The following USP45 variants were observed in gnomAD, a reference collection of about 807,000 sequenced individuals.
The protein encoded by USP45 is ubiquitin carboxyl-terminal hydrolase 45.
USP45 carries 89 observed loss-of-function variants against 95.8 expected under a neutral mutation model. The ratio of observed to expected loss-of-function variants is 0.93; its 90% confidence interval spans 0.78 to 1.11. The LOEUF is 1.11. Among genes scored for constraint, USP45 ranks in the 50% least tolerant of loss-of-function variants. USP45 has a pLI of 0.00. For synonymous variants in USP45, 281 were observed against 316.2 expected (o/e 0.89, Z 1.18); for missense variants, 898 against 942.5 (o/e 0.95, Z 0.62).
intron 4 of USP45, among the ~76,000 whole-genome samples, 177 bp downstream of exon 4, chr6:99,507,248 TTTA>T (rs1427567455): frequency 6.6e-6 from 1 of 152,174 alleles, no homozygotes; most frequent in Admixed American, 6.5e-5. Context: ...ATTTTTCCAA[TTTA>T]AATTTTATAT....
At chr6:99,452,614 C>T (rs556968291) in intron 13 of USP45, among the ~76,000 whole-genome samples, 5 of 152,278 alleles carry the variant, frequency 3.3e-5, no homozygotes, top group Admixed American at 1.3e-4. Flanking sequence ...TGGAAGACAG[C>T]GTGGCTATTC....
At chr6:99,458,005 A>G (rs2128601653) in intron 13 of USP45, among the ~76,000 whole-genome samples, 2 of 152,256 alleles carry the variant, frequency 1.3e-5, no homozygotes, top group Middle Eastern at 6.8e-3. Context: ...TAAGCAGCGT[A>G]AGTATCAGCT....
intron 9 of USP45, among the ~76,000 whole-genome samples, chr6:99,469,048 C>G (rs1027921149): frequency 3.9e-5 from 6 of 152,110 alleles, no homozygotes; most frequent in Non-Finnish European, 7.4e-5. Context: ...AAGAAGCTAT[C>G]AAGCTGGTTA....
At chr6:99,510,099 G>T in intron 2 of USP45, 22 bp downstream of exon 2, 1 of 1,533,730 alleles carries the variant, frequency 6.5e-7, no homozygotes, top group African/African-American at 1.4e-5. Context: ...CACTATTTGG[G>T]ATGCCATATA....
chr6:99,488,354 G>T, intron 6 of USP45, 59 bp from the exon 7 acceptor site: 1 of 1,092,376 alleles, frequency 9.2e-7, no homozygotes, highest in Non-Finnish European at 1.3e-6. Context: ...CTGATTTTAT[G>T]GAATACACTC....
rs545474301 is a variant in USP45, at chr6:99,482,874, C to T, written c.724G>A (p.Val242Met). The change falls in exon 8 of 18, where the codon GTG becomes ATG. Residue 242 changes from valine to methionine, a missense_variant. Physicochemically the swap from Val to Met is conservative, Grantham distance 21. Transcript: ENST00000500704. Reference sequence around the variant, plus strand: ...GGTCCAGGCCTTGAAAGTTCCACCACCAATGGGTCCTTTAAAAACATGATC... The same window carrying T: ...GGTCCAGGCCTTGAAAGTTCCACCATCAATGGGTCCTTTAAAAACATGATC... The part of the protein sequence containing the change: ...PSSDSQLDPL[V>M]VELSRPGPLT... 9.2e-6 allele frequency: 14 copies of T among 1,528,266 alleles called. No homozygotes were observed. Among genetic ancestry groups the T allele is most frequent in the African/African-American group, 7.0e-5 (5 of 71,836 alleles). 94.7% of individuals were successfully genotyped at this position (1,528,266 alleles called of 1,614,324 possible). A position where few individuals can be genotyped will look rare whatever the true frequency, so the allele number is the denominator to read the frequency against.
chr6:99,501,920 C>T (rs1334079605), intron 5 of USP45: 2 of 1,291,890 alleles, frequency 1.5e-6, no homozygotes, highest in Non-Finnish European at 2.0e-6. Flanking sequence ...GTCCCTCAGG[C>T]CACATTTGAC....
intron 1 of USP45, among the ~76,000 whole-genome samples, chr6:99,511,972 C>T (rs1799991122): frequency 6.6e-6 from 1 of 150,822 alleles, no homozygotes; most frequent in Non-Finnish European, 1.5e-5. Flanking sequence ...AAAATAAGCA[C>T]ATTCTCCTAT....
At chr6:99,515,715 G>T (rs905230893), upstream of USP45, among the ~76,000 whole-genome samples, 25 of 151,696 alleles carry the variant, frequency 1.6e-4, no homozygotes, top group African/African-American at 5.1e-4. Flanking sequence ...CCCACTTGTT[G>T]CTGGGCACCT....
intron 9 of USP45, among the ~76,000 whole-genome samples, chr6:99,471,365 G>A (rs894221145): frequency 7.2e-5 from 11 of 152,146 alleles, no homozygotes; most frequent in Admixed American, 5.2e-4. Flanking sequence ...AACTATTTCA[G>A]ATCTCCACCT....
At chr6:99,437,533 G>T in intron 16 of USP45, 134 bp from the exon 17 acceptor site, 1 of 970,754 alleles carries the variant, frequency 1.0e-6, no homozygotes, top group South Asian at 2.1e-5. Context: ...TACTTACTAG[G>T]CTGGCAAAAT....
At position 99,488,376 on chromosome 6, in the gene USP45, C is replaced by A. The variant is rs978232736; in HGVS notation, c.619-81G>T. The A allele has an allele frequency of 1.4e-5, 13 of 905,642 alleles. No homozygotes were observed. The African/African-American group carries it at 2.1e-4, about 14-fold the overall frequency. The allele number at this position is 905,642 out of a possible 1,614,324, so 56.1% of individuals were successfully genotyped here. A position where few individuals can be genotyped will look rare whatever the true frequency, so the allele number is the denominator to read the frequency against. Reference sequence around the variant, plus strand: ...TATGGAATACACTCTCAAATTTCATCTAGCATAGCAAAAGTGTCTATTTCA... The same window carrying A: ...TATGGAATACACTCTCAAATTTCATATAGCATAGCAAAAGTGTCTATTTCA... On this transcript the variant is annotated intron_variant, in intron 6 of 17. Transcript: ENST00000500704.
At chr6:99,438,835 G>A (rs1280546757) in intron 16 of USP45, among the ~76,000 whole-genome samples, 7 of 152,144 alleles carry the variant, frequency 4.6e-5, no homozygotes, top group African/African-American at 7.2e-5. Context: ...TGGATGTAAG[G>A]TTTTAGGGCT....
chr6:99,432,550 CAGT>C lies in USP45; in HGVS notation c.*3163_*3165del, dbSNP rs1294445186. ...TAGAAACATGGCAAAAGAAAAAAAA[CAGT>C]AGGAATAATATGTATTACTCAAAAT... On this transcript the variant is annotated 3_prime_UTR_variant, in exon 18 of 18. Transcript: ENST00000500704. 4 of 151,628 alleles carry C rather than the reference CAGT, an allele frequency of 2.6e-5. No homozygotes were observed. The highest frequency in any genetic ancestry group is 5.9e-5 in the Non-Finnish European group (4 of 67,912). The allele number at this position is 151,628 out of a possible 1,614,324, so 9.4% of individuals were successfully genotyped here. A position where few individuals can be genotyped will look rare whatever the true frequency, so the allele number is the denominator to read the frequency against.
intron 13 of USP45, among the ~76,000 whole-genome samples, chr6:99,447,825 C>CTCAGAT (rs1377869409): frequency 1.3e-5 from 2 of 152,154 alleles, no homozygotes; most frequent in Non-Finnish European, 2.9e-5. Flanking sequence ...CTCACACGGC[C>CTCAGAT]GGGTACCCAT....
intron 8 of USP45, among the ~76,000 whole-genome samples, chr6:99,480,651 C>T (rs995721339): frequency 4.7e-5 from 7 of 149,782 alleles, no homozygotes; most frequent in Non-Finnish European, 1.0e-4. Context: ...GCAACAAGAG[C>T]GAAACTCCGT....
chr6:99,437,692 C>G (rs1780767528), intron 16 of USP45, among the ~76,000 whole-genome samples: 1 of 152,100 alleles, frequency 6.6e-6, no homozygotes, highest in Non-Finnish European at 1.5e-5. Flanking sequence ...GAGTCTCGCT[C>G]TGTTACCCAG....
chr6:99,470,760 T>C (rs1384764002), intron 9 of USP45, among the ~76,000 whole-genome samples: 1 of 152,204 alleles, frequency 6.6e-6, no homozygotes, highest in African/African-American at 2.4e-5. Context: ...CAAATTGGAA[T>C]TGTGTAAATT....
chr6:99,458,408 C>G (rs1444110710), intron 13 of USP45, among the ~76,000 whole-genome samples: 2 of 152,164 alleles, frequency 1.3e-5, no homozygotes, highest in Non-Finnish European at 2.9e-5. Context: ...GAACTAGGCA[C>G]CTGAGACATA....
Sources: allele counts gnomAD v4.1 joint callset (sites outside exome capture counted in the v4.1 genomes callset), GRCh38; gene constraint gnomAD v4.1.1; transcripts MANE v1.5; gene names NCBI Gene and HGNC (gene_info 2026-07-23, HGNC 2026-07-21).